ALOX5: variants seen among roughly 807,000 people sequenced by gnomAD.
The protein encoded by ALOX5 is arachidonate 5-lipoxygenase, also known as polyunsaturated fatty acid 5-lipoxygenase.
A neutral mutation model predicts 87.9 loss-of-function variants in ALOX5; 64 were observed. The observed-to-expected ratio is 0.73, with a 90% CI of 0.60 to 0.90. The LOEUF (loss-of-function observed/expected upper bound fraction) is 0.90. Among genes scored for constraint, ALOX5 ranks in the 40% least tolerant of loss-of-function variants. ALOX5 has a pLI of 0.00. For missense variants in ALOX5, 822 were observed against 907.5 expected (o/e 0.91, Z 1.21); for synonymous variants, 388 against 355.1 (o/e 1.09, Z -1.04).
chr10:45,380,441 G>T (rs1270684214), intron 1 of ALOX5, among the ~76,000 whole-genome samples: 1 of 152,234 alleles, frequency 6.6e-6, no homozygotes, highest in African/African-American at 2.4e-5. Context: ...GAGCCAGGAG[G>T]TTTGTGGAAA....
At chr10:45,424,197 C>G (rs372321818) in intron 5 of ALOX5, 50 bp downstream of exon 5, 1 of 1,443,656 alleles carries the variant, frequency 6.9e-7, no homozygotes, top group African/African-American at 1.4e-5. Flanking sequence ...GGGGATGCTG[C>G]TCTCCTGTCT....
rs960880028 is a variant in ALOX5 at position 45,379,624 on chromosome 10, C to G, written c.151-2859C>G. On this transcript the variant is annotated intron_variant, in intron 1 of 13. Transcript: ENST00000374391. ...TGCTAGCTCACAGGCGGTGTGGGGCCTGGTGCCCTGCAACCCCCTGGATTC... is the reference window on the plus strand; with the variant it reads ...TGCTAGCTCACAGGCGGTGTGGGGCGTGGTGCCCTGCAACCCCCTGGATTC... Among the ~76,000 whole-genome samples the G allele has an allele frequency of 9.2e-5, 14 of 152,362 alleles. 1 individual carries two copies. The South Asian group carries it at 2.9e-3, about 32-fold the overall frequency.
chr10:45,398,135 A>G (rs779175926), intron 3 of ALOX5, among the ~76,000 whole-genome samples: 1 of 152,250 alleles, frequency 6.6e-6, no homozygotes, highest in Non-Finnish European at 1.5e-5. Flanking sequence ...TGATATCGGC[A>G]TAAGGATAGA....
intron 4 of ALOX5, among the ~76,000 whole-genome samples, chr10:45,414,247 C>A (rs188515158): frequency 5.1e-4 from 78 of 152,246 alleles, no homozygotes; most frequent in African/African-American, 1.7e-3. Flanking sequence ...GACATATAGA[C>A]CAATGGAACA....
intron 9 of ALOX5, 133 bp downstream of exon 9, chr10:45,441,563 C>T: frequency 1.2e-6 from 1 of 830,060 alleles, no homozygotes; most frequent in South Asian, 1.7e-5. Flanking sequence ...AGCACTGGCT[C>T]CAGCATCCTC....
At chr10:45,390,824 C>T (rs1444998495) in intron 2 of ALOX5, among the ~76,000 whole-genome samples, 1 of 151,982 alleles carries the variant, frequency 6.6e-6, no homozygotes, top group African/African-American at 2.4e-5. Context: ...TAGCAGAAGG[C>T]AAGAAATAAT....
intron 4 of ALOX5, among the ~76,000 whole-genome samples, chr10:45,419,029 A>G (rs1392034820): frequency 6.6e-6 from 1 of 152,134 alleles, no homozygotes; most frequent in Non-Finnish European, 1.5e-5. Context: ...AGGGTGGCGG[A>G]TGGAGCCGCC....
Position 45,443,701 on chromosome 10 carries a change from C to T in ALOX5, c.1574-27C>T, listed in dbSNP as rs1435212084. ...GCCCTGGGGTCCTCAGGGACTGGGC[C>T]TCAGCCCGCCGGTGGTTCCACCCTA... On this transcript the variant is annotated intron_variant, in intron 11 of 13. Coordinates refer to ENST00000374391, the MANE Select transcript of ALOX5 (RefSeq NM_000698.5). 3.7e-6 allele frequency: 6 copies of T among 1,602,492 alleles called. No homozygotes were observed. The South Asian group carries it at 4.5e-5, about 12-fold the overall frequency.
intron 3 of ALOX5, among the ~76,000 whole-genome samples, chr10:45,409,648 C>G (rs1841002616): frequency 6.7e-6 from 1 of 149,112 alleles, no homozygotes; most frequent in Admixed American, 6.7e-5. Flanking sequence ...ATTTTTTTTC[C>G]AATAAATTAA....
intron 2 of ALOX5, among the ~76,000 whole-genome samples, chr10:45,391,816 C>T (rs968317366): frequency 9.9e-5 from 15 of 151,250 alleles, no homozygotes; most frequent in Admixed American, 2.6e-4. Flanking sequence ...ACCCTCCGCC[C>T]GGCAGCCGCC....
At chr10:45,374,519 G>A (rs963539185) in intron 1 of ALOX5, 90 bp downstream of exon 1, 26 of 1,247,454 alleles carry the variant, frequency 2.1e-5, no homozygotes, top group Middle Eastern at 4.3e-4. Context: ...GGGCGCCGAG[G>A]GCCCGTCGGG....
chr10:45,439,521 C>T (rs1456121004), intron 7 of ALOX5, among the ~76,000 whole-genome samples: 1 of 152,224 alleles, frequency 6.6e-6, no homozygotes, highest in Non-Finnish European at 1.5e-5. Context: ...CTGCTGCCGG[C>T]TCCCGTGAGA....
At chr10:45,380,504 C>G (rs1839787896) in intron 1 of ALOX5, among the ~76,000 whole-genome samples, 1 of 152,234 alleles carries the variant, frequency 6.6e-6, no homozygotes, top group African/African-American at 2.4e-5. Context: ...CTCCTGGCAG[C>G]TTGGAGGCAG....
Position 45,428,773 on chromosome 10 carries a change from C to G in ALOX5, c.981+9C>G, listed in dbSNP as rs1177150106. ...TCCCCATTGCCATCCAGGTAGGCTG[C>G]TGGGGGGCACACCTTTCTGAGCAGC... is the stretch of plus-strand genomic sequence containing the variant. On this transcript the variant is annotated intron_variant, in intron 7 of 13. Transcript: ENST00000374391. The G allele has an allele frequency of 2.5e-6, 4 of 1,613,402 alleles. No individual in the cohort carries two copies. In the East Asian group the frequency reaches 6.7e-5, roughly 27 times the overall value.
At chr10:45,387,849 C>T (rs1840059456) in intron 2 of ALOX5, among the ~76,000 whole-genome samples, 1 of 152,218 alleles carries the variant, frequency 6.6e-6, no homozygotes, top group Non-Finnish European at 1.5e-5. Flanking sequence ...ATAGGAACAG[C>T]TCCAGTCTAC....
At chr10:45,444,005 C>T (rs1842344798) in intron 12 of ALOX5, 111 bp from the exon 13 acceptor site, 1 of 1,437,238 alleles carries the variant, frequency 7.0e-7, no homozygotes, top group South Asian at 1.4e-5. Context: ...AGAGGATGGA[C>T]GGACTGCAGG....
intron 3 of ALOX5, among the ~76,000 whole-genome samples, chr10:45,408,122 C>T (rs534581450): frequency 6.6e-6 from 1 of 152,292 alleles, no homozygotes; most frequent in Non-Finnish European, 1.5e-5. Context: ...TTACTCCTTG[C>T]ATATTACATC....
At chr10:45,436,550 C>A (rs1034432371) in intron 7 of ALOX5, among the ~76,000 whole-genome samples, 11 of 152,080 alleles carry the variant, frequency 7.2e-5, no homozygotes, top group Admixed American at 2.6e-4. Context: ...TGTCAAAAAT[C>A]AGTTGGTTGC....
chr10:45,389,516 A>G (rs1840130318), intron 2 of ALOX5, among the ~76,000 whole-genome samples: 2 of 152,258 alleles, frequency 1.3e-5, no homozygotes, highest in Non-Finnish European at 2.9e-5. Context: ...CCTACAAGCC[A>G]GAAGAGACTG....
Sources: allele counts gnomAD v4.1 joint callset (sites outside exome capture counted in the v4.1 genomes callset), GRCh38; gene constraint gnomAD v4.1.1; transcripts MANE v1.5; gene names NCBI Gene and HGNC (gene_info 2026-07-23, HGNC 2026-07-21).